Variants in KLRG1 observed in about 807,000 individuals in gnomAD.
KLRG1 encodes killer cell lectin-like receptor subfamily G member 1.
Under a neutral mutation model 21.8 loss-of-function variants are expected in KLRG1, and 16 were observed. That is an observed-to-expected ratio of 0.73 (90% CI 0.50 to 1.11). The LOEUF is 1.11. Among genes scored for constraint, KLRG1 ranks in the 50% most tolerant of loss-of-function variants. The probability of loss-of-function intolerance (pLI) is 0.00; values close to 1 mark genes in which losing one functional copy is unlikely to be tolerated. For synonymous variants in KLRG1, 69 were observed against 75.9 expected (o/e 0.91, Z 0.47); for missense variants, 173 against 218.3 (o/e 0.79, Z 1.31).
the KLRG1 span, chr12:9,158,373 T>C: frequency 1.9e-6 from 3 of 1,600,912 alleles, no homozygotes; most frequent in Non-Finnish European, 2.6e-6. Context: ...CCCTGGGGGA[T>C]GTTATGTTGA....
rs1180115495 is a variant in KLRG1, at chr12:8,995,228, T to A, written c.297T>A (p.Ser99Arg). ...TGGAGGAAAAGGACTGGAATTCTAG[T>A]CTGGAATTCTGCCTAGCCAGAGACT... ...FSVEEKDWNS[S>R]LEFCLARDSH... Residue 99 changes from serine to arginine, a missense_variant, in exon 3 of 5, where the codon AGT becomes AGA. Around this residue, in one of 3 missense-constraint regions of KLRG1, gnomAD observed 144 missense variants for 161.5 expected, o/e 0.89. Coordinates refer to ENST00000356986, the MANE Select transcript of KLRG1 (RefSeq NM_005810.4). The A allele has an allele frequency of 3.1e-6, 5 of 1,613,806 alleles. No homozygotes were observed. The South Asian group carries it at 5.5e-5, about 18-fold the overall frequency.
chr12:8,965,106 T>C (rs1009443407), intron 1 of KLRG1, among the ~76,000 whole-genome samples: 8 of 152,212 alleles, frequency 5.3e-5, no homozygotes, highest in Non-Finnish European at 1.0e-4. Context: ...TCTCAATAGA[T>C]GCAGAAAAGG....
chr12:9,070,980 C>T, the KLRG1 span, among the ~76,000 whole-genome samples: 5 of 152,130 alleles, frequency 3.3e-5, no homozygotes, highest in Non-Finnish European at 5.9e-5. Context: ...ACCACCACGT[C>T]CGACTAATTT....
the KLRG1 span, among the ~76,000 whole-genome samples, chr12:9,123,844 C>CT: frequency 0.38 from 53,912 of 141,412 alleles, 10,690 homozygotes; most frequent in African/African-American, 0.5. Context: ...AATTCAATGG[C>CT]TTTTTTTTTT....
At chr12:9,066,998 A>G in the KLRG1 span, 1 of 152,222 alleles carries the variant, frequency 6.6e-6, no homozygotes, top group Non-Finnish European at 1.5e-5. Context: ...AAAGAAAATT[A>G]TATATTTTAA....
chr12:8,994,223 C>T (rs1184888103), intron 2 of KLRG1, among the ~76,000 whole-genome samples: 1 of 152,088 alleles, frequency 6.6e-6, no homozygotes, highest in Non-Finnish European at 1.5e-5. Flanking sequence ...GCCACCATGC[C>T]CAGCTGATTT....
At chr12:9,134,966 T>A in the KLRG1 span, 1 of 153,488 alleles carries the variant, frequency 6.5e-6, no homozygotes, top group African/African-American at 2.4e-5. Flanking sequence ...CCTTTCTTCC[T>A]GTCAGCCCTC....
At chr12:9,077,413 ACTC>A in the KLRG1 span, 1 of 1,612,496 alleles carries the variant, frequency 6.2e-7, no homozygotes, top group African/African-American at 1.3e-5. Context: ...TTCATCTTCT[ACTC>A]CTCCCTGTGA....
chr12:9,003,002 C>G (rs1486497852), intron 3 of KLRG1, among the ~76,000 whole-genome samples: 1 of 151,390 alleles, frequency 6.6e-6, no homozygotes, highest in African/African-American at 2.4e-5. Flanking sequence ...AAGGCCTCTT[C>G]CAAGTGGGAA....
At chr12:9,093,096 G>A in the KLRG1 span, among the ~76,000 whole-genome samples, 1 of 152,198 alleles carries the variant, frequency 6.6e-6, no homozygotes, top group African/African-American at 2.4e-5. Flanking sequence ...GGGGTTGCAG[G>A]GATGGGAAGA....
At chr12:8,986,829 T>TA (rs1946849101), upstream of KLRG1, among the ~76,000 whole-genome samples, 1 of 152,150 alleles carries the variant, frequency 6.6e-6, no homozygotes, top group Non-Finnish European at 1.5e-5. Context: ...ATGAATGGTT[T>TA]AGTACCATAC....
intron 3 of KLRG1, among the ~76,000 whole-genome samples, chr12:8,995,962 A>G (rs960226785): frequency 5.3e-5 from 8 of 152,300 alleles, no homozygotes; most frequent in Admixed American, 2.0e-4. Flanking sequence ...GATTACAGGC[A>G]TGAGCCACCG....
At chr12:9,089,005 C>G in the KLRG1 span, among the ~76,000 whole-genome samples, 1 of 152,328 alleles carries the variant, frequency 6.6e-6, no homozygotes, top group African/African-American at 2.4e-5. Flanking sequence ...AAGATCAAGA[C>G]TCAGAATGCA....
chr12:8,984,148 T>C (rs1946804602), intron 1 of KLRG1, among the ~76,000 whole-genome samples: 1 of 152,168 alleles, frequency 6.6e-6, no homozygotes, highest in South Asian at 2.1e-4. Context: ...TCTGTCTTCA[T>C]GTTTACTGAC....
chr12:9,028,596 A>C, the KLRG1 span: 20 of 360,522 alleles, frequency 5.5e-5, no homozygotes, highest in Non-Finnish European at 9.7e-5. Context: ...GGCACGCACC[A>C]CCACGCCCTG....
At chr12:9,165,817 G>T in the KLRG1 span, among the ~76,000 whole-genome samples, 5 of 152,304 alleles carry the variant, frequency 3.3e-5, no homozygotes, top group African/African-American at 1.2e-4. Flanking sequence ...AATATTTATA[G>T]TTCTCATGTC....
chr12:9,053,923 C>T, the KLRG1 span, among the ~76,000 whole-genome samples: 1 of 152,174 alleles, frequency 6.6e-6, no homozygotes, highest in Non-Finnish European at 1.5e-5. Flanking sequence ...TGAATTCATT[C>T]TCCTTACCCC....
At chr12:9,196,356 T>C in the KLRG1 span, 1 of 1,612,570 alleles carries the variant, frequency 6.2e-7, no homozygotes, top group Non-Finnish European at 8.5e-7. Flanking sequence ...ATTCCTTGTC[T>C]AAAGTGTGAA....
At chr12:9,006,295 G>A (rs1947470294) in intron 3 of KLRG1, among the ~76,000 whole-genome samples, 1 of 152,202 alleles carries the variant, frequency 6.6e-6, no homozygotes, top group South Asian at 2.1e-4. Context: ...TTTTAGATTG[G>A]TTAGTTAAGG....
Sources: gnomAD v4.1 joint callset for allele counts (sites outside exome capture counted in the v4.1 genomes callset) on GRCh38, gnomAD v4.1.1 for gene constraint, gnomAD v4.1.1 regional missense constraint, MANE v1.5 for transcripts, NCBI Gene and HGNC (gene_info 2026-07-23, HGNC 2026-07-21) for gene names.